The following PIERCE2 variants were observed in gnomAD, a reference collection of about 807,000 sequenced individuals.
PIERCE2 encodes piercer of microtubule wall 2.
the PIERCE2 span, among the ~76,000 whole-genome samples, chr15:55,415,754 C>T: frequency 0.18 from 27,046 of 152,024 alleles, 4,150 homozygotes; most frequent in African/African-American, 0.42. Flanking sequence ...GGTCAGGGGT[C>T]GATCTTTAAC....
At chr15:55,408,517 C>T in the PIERCE2 span, 1 of 349,952 alleles carries the variant, frequency 2.9e-6, no homozygotes, top group Non-Finnish European at 5.1e-6. Flanking sequence ...ATCCGGGAGC[C>T]GGCGACCACT....
chr15:55,410,047 G>C, the PIERCE2 span, among the ~76,000 whole-genome samples: 15 of 152,076 alleles, frequency 9.9e-5, 1 homozygote, highest in Admixed American at 7.2e-4. Context: ...AGAATATCAG[G>C]TTTGAAGAAG....
chr15:55,416,116 A>G, the PIERCE2 span, among the ~76,000 whole-genome samples: 132 of 147,698 alleles, frequency 8.9e-4, 1 homozygote, highest in Middle Eastern at 6.9e-3. Flanking sequence ...AGAGAGAGAG[A>G]GAGATAGAGT....
chr15:55,417,002 C>T, the PIERCE2 span, among the ~76,000 whole-genome samples: 269 of 151,354 alleles, frequency 1.8e-3, 1 homozygote, highest in African/African-American at 6.2e-3. Context: ...AACAAATTTG[C>T]TCCATCTCCA....
the PIERCE2 span, chr15:55,408,921 A>G: frequency 5.0e-6 from 3 of 597,922 alleles, no homozygotes; most frequent in Non-Finnish European, 8.7e-6. Flanking sequence ...GAGCTTTTAC[A>G]TTTACACTTG....
chr15:55,418,634 G>A, the PIERCE2 span: 2 of 1,087,944 alleles, frequency 1.8e-6, no homozygotes, highest in Non-Finnish European at 1.3e-6. Flanking sequence ...TAAATCTAAG[G>A]GTAGAATACC....
At chr15:55,415,590 G>C in the PIERCE2 span, among the ~76,000 whole-genome samples, 2 of 152,126 alleles carry the variant, frequency 1.3e-5, no homozygotes, top group Non-Finnish European at 2.9e-5. Context: ...CTCTAAGGGG[G>C]TCCGCGTGAG....
chr15:55,411,951 C>T, the PIERCE2 span, among the ~76,000 whole-genome samples: 5 of 151,744 alleles, frequency 3.3e-5, no homozygotes, highest in South Asian at 2.1e-4. Flanking sequence ...TTTAGCTGAG[C>T]GTGGTGGCGC....
chr15:55,410,488 A>C, the PIERCE2 span: 1 of 152,170 alleles, frequency 6.6e-6, no homozygotes, highest in Admixed American at 6.5e-5. Flanking sequence ...TATCTCTACT[A>C]AAAACACAAA....
the PIERCE2 span, among the ~76,000 whole-genome samples, chr15:55,409,277 G>C: frequency 0.98 from 149,510 of 152,174 alleles, 73,495 homozygotes; most frequent in Non-Finnish European, 1. Context: ...AGGTGGCGCG[G>C]GCCTGTAATC....
the PIERCE2 span, among the ~76,000 whole-genome samples, chr15:55,416,756 C>T: frequency 1.3e-5 from 2 of 151,870 alleles, no homozygotes; most frequent in Non-Finnish European, 2.9e-5. Flanking sequence ...GTCAGGAGTT[C>T]GAGACCAGTC....
chr15:55,409,907 A>G, the PIERCE2 span, among the ~76,000 whole-genome samples: 1 of 152,220 alleles, frequency 6.6e-6, no homozygotes, highest in Non-Finnish European at 1.5e-5. Context: ...TTACAATTTT[A>G]ATTAACCTTT....
At chr15:55,418,298 G>T in the PIERCE2 span, 1 of 1,549,026 alleles carries the variant, frequency 6.5e-7, no homozygotes, top group Non-Finnish European at 8.7e-7. Context: ...TGTGAACCCT[G>T]GCAATCCTGT....
chr15:55,415,658 T>C, the PIERCE2 span, among the ~76,000 whole-genome samples: 1 of 152,162 alleles, frequency 6.6e-6, no homozygotes, highest in Middle Eastern at 3.4e-3. Flanking sequence ...CATGCACCAG[T>C]AATTAGAATG....
chr15:55,412,157 A>T, the PIERCE2 span, among the ~76,000 whole-genome samples: 2 of 151,486 alleles, frequency 1.3e-5, no homozygotes, highest in African/African-American at 4.8e-5. Context: ...TTTACATCAA[A>T]TTTTCTTTCA....
the PIERCE2 span, chr15:55,408,609 G>T: frequency 7.0e-6 from 3 of 429,646 alleles, no homozygotes; most frequent in Non-Finnish European, 1.2e-5. Context: ...GGATTAAACG[G>T]ATAGGTTTAC....
At chr15:55,414,144 G>A in the PIERCE2 span, among the ~76,000 whole-genome samples, 2 of 151,238 alleles carry the variant, frequency 1.3e-5, no homozygotes, top group African/African-American at 2.4e-5. Flanking sequence ...TGATCTGCCC[G>A]CCTCAGCTTC....
At chr15:55,412,465 TTAC>T in the PIERCE2 span, among the ~76,000 whole-genome samples, 17 of 152,324 alleles carry the variant, frequency 1.1e-4, no homozygotes, top group Admixed American at 1.1e-3. Flanking sequence ...CTCCACTGTT[TTAC>T]AAACAAATTT....
At chr15:55,408,917 T>C in the PIERCE2 span, 120 of 599,988 alleles carry the variant, frequency 2.0e-4, no homozygotes, top group African/African-American at 2.0e-3. Context: ...TACTGAGCTT[T>C]TACATTTACA....
Sources: gnomAD v4.1 joint callset for allele counts (sites outside exome capture counted in the v4.1 genomes callset) on GRCh38, gnomAD v4.1.1 for gene constraint, MANE v1.5 for transcripts, NCBI Gene and HGNC (gene_info 2026-07-23, HGNC 2026-07-21) for gene names.